Variants in ABCA6 observed in about 807,000 individuals in gnomAD.
The protein encoded by ABCA6 is ATP binding cassette subfamily A member 6.
ABCA6 carries 164 observed loss-of-function variants against 191.2 expected under a neutral mutation model. The observed-to-expected ratio is 0.86, with a 90% CI of 0.76 to 0.98. The LOEUF (loss-of-function observed/expected upper bound fraction) is 0.98. Among genes scored for constraint, ABCA6 ranks in the 50% least tolerant of loss-of-function variants. The pLI is 0.00. For missense variants in ABCA6, 1,958 were observed against 1,894.1 expected (o/e 1.03, Z -0.63); for synonymous variants, 636 against 647.7 (o/e 0.98, Z 0.27).
intron 19 of ABCA6, 95 bp downstream of exon 19, chr17:69,105,933 A>G: frequency 7.6e-7 from 1 of 1,318,110 alleles, no homozygotes; most frequent in African/African-American, 1.5e-5. Flanking sequence ...CGTGGCAGGA[A>G]TGTCAGATAT....
Position 69,097,964 on chromosome 17 carries a change from T to G in ABCA6, c.3076A>C (p.Ser1026Arg), listed in dbSNP as rs1305688410. The stretch of plus-strand genomic sequence containing the variant: ...CCCATGGTGATATAAGGAGAAATGC[T>G]ACATAGAACCAAAAATAAGAAAAAG... ...GSFFLFLVLC[S>R]ISPYITMGSI... The change falls in exon 23 of 39, where the codon AGC becomes CGC. Residue 1026 changes from serine to arginine, a missense_variant. By Grantham distance (110) the Ser-to-Arg change is moderately radical. Coordinates refer to ENST00000284425, the MANE Select transcript of ABCA6 (RefSeq NM_080284.3). 6.2e-7 allele frequency: 1 copy of G among 1,611,694 alleles called. No homozygotes were observed. The highest frequency in any genetic ancestry group is 8.5e-7 in the Non-Finnish European group (1 of 1,179,150).
rs779605792 is a variant in ABCA6, at chr17:69,085,666, T to C, written c.3988A>G (p.Ile1330Val). 41 of 1,612,468 alleles carry C rather than the reference T, an allele frequency of 2.5e-5. No individual in the cohort carries two copies. The highest frequency in any genetic ancestry group is 8.8e-5 in the South Asian group (8 of 90,774). ...GPNGAGKSSS[I>V]RMISGITKPT... ...TTTGTGATCCCAGATATCATTCTAA[T>C]AGATGAACTTTTTCCAGCACCATTG... The change falls in exon 31 of 39, where the codon ATT becomes GTT. Residue 1330 changes from isoleucine to valine, a missense_variant. By Grantham distance (29) the Ile-to-Val change is conservative. Coordinates refer to ENST00000284425, the MANE Select transcript of ABCA6 (RefSeq NM_080284.3).
At chr17:69,124,184 T>C (rs1041556146) in intron 9 of ABCA6, among the ~76,000 whole-genome samples, 3 of 151,986 alleles carry the variant, frequency 2.0e-5, no homozygotes, top group Non-Finnish European at 4.4e-5. Context: ...CAAAGTTGAA[T>C]TTATTATTAA....
chr17:69,131,938 G>T (rs963408151), intron 6 of ABCA6, among the ~76,000 whole-genome samples: 11 of 152,122 alleles, frequency 7.2e-5, no homozygotes, highest in Admixed American at 5.2e-4. Context: ...TTTTACAGGG[G>T]TTCCCTCCTA....
intron 8 of ABCA6, among the ~76,000 whole-genome samples, chr17:69,126,009 C>T (rs1039075090): frequency 3.1e-4 from 47 of 151,932 alleles, no homozygotes; most frequent in Non-Finnish European, 6.2e-4. Flanking sequence ...TTTTATTTTG[C>T]CTGCATTTCT....
intron 34 of ABCA6, 43 bp from the exon 35 acceptor site, chr17:69,083,374 T>C (rs2072690784): frequency 1.3e-6 from 2 of 1,516,970 alleles, no homozygotes; most frequent in Non-Finnish European, 8.8e-7. Context: ...AATAACTAAG[T>C]GCAGAAGAAA....
intron 38 of ABCA6, 43 bp from the exon 39 acceptor site, chr17:69,079,117 A>T: frequency 6.4e-7 from 1 of 1,574,432 alleles, no homozygotes; most frequent in South Asian, 1.1e-5. Context: ...AAGAGAGATT[A>T]TCAAGTTGTT....
chr17:69,137,160 C>A, intron 3 of ABCA6, 136 bp downstream of exon 3: 1 of 832,710 alleles, frequency 1.2e-6, no homozygotes, highest in Non-Finnish European at 1.8e-6. Context: ...AATAATCTAA[C>A]CAGATTTGTA....
Position 69,105,970 on chromosome 17 carries a change from G to A in ABCA6, c.2573+58C>T. 8.7e-6 allele frequency: 13 copies of A among 1,496,976 alleles called. 1 individual carries two copies. The South Asian group carries it at 1.8e-4, about 20-fold the overall frequency. 92.7% of individuals were successfully genotyped at this position (1,496,976 alleles called of 1,614,324 possible). A position where few individuals can be genotyped will look rare whatever the true frequency, so the allele number is the denominator to read the frequency against. On this transcript the variant is annotated intron_variant, in intron 19 of 38. Coordinates refer to ENST00000284425, the MANE Select transcript of ABCA6 (RefSeq NM_080284.3). ...GCGTTCTAGTTTTAAATTATCTTCT[G>A]GTTTGAACCTCTTTTGAAATTCATG... is the stretch of plus-strand genomic sequence containing the variant.
chr17:69,129,675 G>A lies in ABCA6; in HGVS notation c.868C>T (p.Gln290Ter). 1 of 1,603,218 alleles carries A rather than the reference G, an allele frequency of 6.2e-7. No individual in the cohort carries two copies. The highest frequency in any genetic ancestry group is 8.5e-7 in the Non-Finnish European group (1 of 1,170,836). Residue 290 changes from glutamine (Q) to a stop codon, truncating the protein, a stop_gained, in exon 7 of 39, where the codon CAA (glutamine) becomes TAA (stop). Coordinates refer to ENST00000284425, the MANE Select transcript of ABCA6 (RefSeq NM_080284.3). LOFTEE classifies it high-confidence loss of function. ...ATGAAGCCAGTCATGACTATAATTTGGGTGAATGTTATGATAATTGTAACG... is the reference window on the plus strand; with the variant it reads ...ATGAAGCCAGTCATGACTATAATTTAGGTGAATGTTATGATAATTGTAACG... Reference protein sequence around the residue: ...IFVTIIITFTQIIVMTGFMVI... With the variant: ...IFVTIIITFT
At chr17:69,120,128 A>G (rs2073614318) in intron 10 of ABCA6, among the ~76,000 whole-genome samples, 1 of 152,090 alleles carries the variant, frequency 6.6e-6, no homozygotes, top group South Asian at 2.1e-4. Context: ...ATATGTAAAT[A>G]TATGAATGGA....
At position 69,086,749 on chromosome 17, in the gene ABCA6, C is replaced by G. The variant is rs1320932207; in HGVS notation, c.3820-14G>C. The G allele has an allele frequency of 6.4e-7, 1 of 1,566,024 alleles. No individual in the cohort carries two copies. The highest frequency in any genetic ancestry group is 1.4e-5 in the African/African-American group (1 of 73,428). On this transcript the variant is annotated splice_polypyrimidine_tract_variant and intron_variant, in intron 29 of 38. Coordinates refer to ENST00000284425, the MANE Select transcript of ABCA6 (RefSeq NM_080284.3). Reference sequence around the variant, plus strand: ...TATAACAGGTTTCTAGAAGAGATGACAGCATGATTTTCCTCTTAAATTTCA... The same window carrying G: ...TATAACAGGTTTCTAGAAGAGATGAGAGCATGATTTTCCTCTTAAATTTCA...
rs1382715721 is a variant in ABCA6, at chr17:69,084,457, T to G, written c.4235A>C (p.Lys1412Thr). ...LHEQLNVPVQ[K>T]LTAGITRKLC... ...CTTTCTCGTGATTCCTGCTGTTAAT[T>G]TCTGCACAGGAACATTCAGCTGCTC... Residue 1412 changes from lysine to threonine, a missense_variant, in exon 33 of 39, where the codon AAA (lysine) becomes ACA (threonine). Lys to Thr is a moderately conservative substitution (Grantham distance 78, BLOSUM62 -1). Coordinates refer to ENST00000284425, the MANE Select transcript of ABCA6 (RefSeq NM_080284.3). 6.2e-7 allele frequency: 1 copy of G among 1,614,222 alleles called. No individual in the cohort carries two copies. Among genetic ancestry groups the G allele is most frequent in the Non-Finnish European group, 8.5e-7 (1 of 1,180,030 alleles).
chr17:69,093,582 C>T (rs2072977681), intron 25 of ABCA6, among the ~76,000 whole-genome samples: 2 of 152,198 alleles, frequency 1.3e-5, no homozygotes, highest in South Asian at 2.1e-4. Flanking sequence ...CCCCAAAATG[C>T]TTAAAAGTTG....
chr17:69,132,690 T>C (rs1598061258), intron 6 of ABCA6, among the ~76,000 whole-genome samples: 1 of 152,080 alleles, frequency 6.6e-6, no homozygotes, highest in South Asian at 2.1e-4. Context: ...ATGTTGGTCA[T>C]GCTGGTCTCG....
intron 11 of ABCA6, 57 bp downstream of exon 11, chr17:69,117,841 C>A: frequency 7.5e-7 from 1 of 1,325,062 alleles, no homozygotes; most frequent in Non-Finnish European, 1.1e-6. Flanking sequence ...GAATGTTTCC[C>A]TTTTTTATAA....
intron 37 of ABCA6, among the ~76,000 whole-genome samples, chr17:69,080,034 G>A (rs2072591806): frequency 6.6e-6 from 1 of 152,188 alleles, no homozygotes; most frequent in South Asian, 2.1e-4. Flanking sequence ...AAGCCTGGAT[G>A]TTTAGGAAGG....
At chr17:69,084,124 T>C (rs1435661002) in intron 34 of ABCA6, 137 bp downstream of exon 34, 2 of 746,570 alleles carry the variant, frequency 2.7e-6, no homozygotes, top group Non-Finnish European at 4.3e-6. Context: ...GGTTAAATAT[T>C]TGTTTTCCTG....
At chr17:69,140,496 G>T (rs2074010326) in intron 2 of ABCA6, 112 bp downstream of exon 2, 1 of 512,370 alleles carries the variant, frequency 2.0e-6, no homozygotes, top group Non-Finnish European at 3.3e-6. Context: ...AGAGAGAACT[G>T]GTAAAATCAA....
Sources: gnomAD v4.1 joint callset for allele counts (sites outside exome capture counted in the v4.1 genomes callset) on GRCh38, gnomAD v4.1.1 for gene constraint, MANE v1.5 for transcripts, NCBI Gene and HGNC (gene_info 2026-07-23, HGNC 2026-07-21) for gene names.